The following SLC5A4 variants were observed in gnomAD, a reference collection of about 807,000 sequenced individuals.
The protein encoded by SLC5A4 is probable glucose sensor protein SLC5A4.
SLC5A4 carries 55 observed loss-of-function variants against 70.3 expected under a neutral mutation model. That is an observed-to-expected ratio of 0.78 (90% CI 0.63 to 0.98). The LOEUF is 0.98. Among genes scored for constraint, SLC5A4 ranks in the 50% least tolerant of loss-of-function variants. The pLI, the probability that SLC5A4 is intolerant of heterozygous loss-of-function variation, is 0.00. For missense variants in SLC5A4, 735 were observed against 839.2 expected (o/e 0.88, Z 1.53); for synonymous variants, 268 against 305.7 (o/e 0.88, Z 1.29).
intron 6 of SLC5A4, among the ~76,000 whole-genome samples, chr22:32,237,594 A>G (rs948295654): frequency 1.3e-5 from 2 of 152,184 alleles, no homozygotes; most frequent in East Asian, 3.9e-4. Flanking sequence ...ATAGGGGAAA[A>G]GGCAGCACTT....
the SLC5A4 span, among the ~76,000 whole-genome samples, chr22:32,313,752 G>A: frequency 6.6e-6 from 1 of 152,222 alleles, no homozygotes; most frequent in Non-Finnish European, 1.5e-5. Flanking sequence ...TGCAAGCAGG[G>A]GTGGTCACAT....
chr22:32,336,105 C>G, the SLC5A4 span, among the ~76,000 whole-genome samples: 1 of 152,210 alleles, frequency 6.6e-6, no homozygotes, highest in Non-Finnish European at 1.5e-5. Flanking sequence ...CTTGCCCCAC[C>G]CTGCAGTGCC....
the SLC5A4 span, among the ~76,000 whole-genome samples, chr22:32,269,081 C>G: frequency 2.0e-5 from 3 of 152,120 alleles, no homozygotes; most frequent in Admixed American, 6.5e-5. The surrounding 1 kb of genome is among the most constrained non-coding windows in gnomAD (Gnocchi z 4.1). Context: ...TTAGTAAACA[C>G]AGGGTTTTGC....
rs918594488 is a variant in SLC5A4 at position 32,236,771 on chromosome 22, C to T, written c.664+473G>A. Among the ~76,000 whole-genome samples, 4 of 150,420 alleles carry T rather than the reference C, an allele frequency of 2.7e-5. No homozygotes were observed. In the East Asian group the frequency reaches 7.8e-4, roughly 30 times the overall value. ...CCAGGCTGGAGTGCAGTGGCGCCAT[C>T]TCGGCTCGCTGCAACCTCCGATTTC... On this transcript the variant is annotated intron_variant, in intron 7 of 14. Coordinates refer to ENST00000266086, the MANE Select transcript of SLC5A4 (RefSeq NM_014227.3).
At chr22:32,323,051 G>A in the SLC5A4 span, among the ~76,000 whole-genome samples, 7 of 152,128 alleles carry the variant, frequency 4.6e-5, no homozygotes, top group South Asian at 2.1e-4. Context: ...CACTGCAAGC[G>A]TATCTAACTA....
chr22:32,237,445 C>T, intron 6 of SLC5A4, 121 bp from the exon 7 acceptor site: 2 of 626,786 alleles, frequency 3.2e-6, no homozygotes, highest in South Asian at 2.1e-5. Flanking sequence ...ACATCAAAAG[C>T]TCCTGGGTGA....
At chr22:32,290,934 A>G in the SLC5A4 span, among the ~76,000 whole-genome samples, 1 of 152,032 alleles carries the variant, frequency 6.6e-6, no homozygotes, top group Non-Finnish European at 1.5e-5. Context: ...TCAAAATATT[A>G]ATTTTGGGGG....
chr22:32,321,607 C>T, the SLC5A4 span, among the ~76,000 whole-genome samples: 1 of 152,178 alleles, frequency 6.6e-6, no homozygotes, highest in African/African-American at 2.4e-5. Context: ...TCCTGGTCCT[C>T]CCCCTCCTCC....
the SLC5A4 span, among the ~76,000 whole-genome samples, chr22:32,310,335 C>A: frequency 6.6e-6 from 1 of 152,180 alleles, no homozygotes; most frequent in Non-Finnish European, 1.5e-5. Context: ...ACTGAGGGAA[C>A]AGACCTTGCC....
chr22:32,275,434 T>C, the SLC5A4 span, among the ~76,000 whole-genome samples: 2 of 152,318 alleles, frequency 1.3e-5, no homozygotes, highest in Non-Finnish European at 1.5e-5. Context: ...GTTCTCATTG[T>C]TTAATTCCCA....
chr22:32,245,892 C>T (rs926360823), intron 5 of SLC5A4, among the ~76,000 whole-genome samples: 2 of 152,210 alleles, frequency 1.3e-5, no homozygotes, highest in African/African-American at 2.4e-5. Flanking sequence ...GCAAGTCCAA[C>T]GATTTAAGAG....
chr22:32,238,531 G>C (rs555382533), intron 6 of SLC5A4, among the ~76,000 whole-genome samples: 1 of 152,084 alleles, frequency 6.6e-6, no homozygotes, highest in African/African-American at 2.4e-5. Context: ...GTCACAGATC[G>C]TCTCCCGCCA....
At chr22:32,299,190 G>T in the SLC5A4 span, among the ~76,000 whole-genome samples, 1 of 92,234 alleles carries the variant, frequency 1.1e-5, no homozygotes, top group Non-Finnish European at 2.2e-5. Flanking sequence ...TCCTGAATCT[G>T]AACGTTGGCC....
the SLC5A4 span, among the ~76,000 whole-genome samples, chr22:32,346,763 C>T: frequency 6.8e-6 from 1 of 146,182 alleles, no homozygotes; most frequent in African/African-American, 2.6e-5. Context: ...AGAAGAAAAC[C>T]TAGGCATTAC....
chr22:32,298,755 G>T, the SLC5A4 span, among the ~76,000 whole-genome samples: 1 of 101,426 alleles, frequency 9.9e-6, no homozygotes, highest in South Asian at 3.8e-4. Flanking sequence ...AGTCTCGATG[G>T]TCTTTACATT....
At chr22:32,337,035 C>T in the SLC5A4 span, among the ~76,000 whole-genome samples, 27 of 152,218 alleles carry the variant, frequency 1.8e-4, no homozygotes, top group Admixed American at 2.6e-4. Flanking sequence ...ATGCCTAAGA[C>T]GTTTCCTTGG....
chr22:32,293,126 ATG>A, the SLC5A4 span, among the ~76,000 whole-genome samples: 1 of 152,154 alleles, frequency 6.6e-6, no homozygotes, highest in Admixed American at 6.5e-5. Context: ...CTTGCACAGC[ATG>A]TCTTTTCCCA....
the SLC5A4 span, among the ~76,000 whole-genome samples, chr22:32,292,215 ATAT>A: frequency 1.3e-5 from 1 of 75,152 alleles, no homozygotes; most frequent in East Asian, 2.8e-4. Context: ...TATAATATAT[ATAT>A]TATATTCTAT....
chr22:32,232,858 CA>C (rs1247796457), intron 9 of SLC5A4, 40 bp downstream of exon 9: 1 of 1,577,398 alleles, frequency 6.3e-7, no homozygotes, highest in African/African-American at 1.4e-5. Context: ...TATCAGAATA[CA>C]AGCATAAAAA....
Sources: gnomAD v4.1 joint callset for allele counts (sites outside exome capture counted in the v4.1 genomes callset) on GRCh38, gnomAD v4.1.1 for gene constraint, Gnocchi (gnomAD v3.1) non-coding constraint, MANE v1.5 for transcripts, NCBI Gene and HGNC (gene_info 2026-07-23, HGNC 2026-07-21) for gene names.